The following AFF3 variants were observed in gnomAD, a reference collection of about 807,000 sequenced individuals.
AFF3 encodes ALF transcription elongation factor 3, also known as AF4/FMR2 family member 3.
In AFF3, 32 loss-of-function variants were observed where a neutral mutation model predicts 129.7. That is an observed-to-expected ratio of 0.25 (90% CI 0.19 to 0.33). The LOEUF is 0.33. AFF3 is among the 10% of genes least tolerant of loss of function. The probability of loss-of-function intolerance (pLI) is 1.00; values close to 1 mark genes in which losing one functional copy is unlikely to be tolerated. For synonymous variants in AFF3, 644 were observed against 635.4 expected (o/e 1.01, Z -0.20); for missense variants, 1,373 against 1,592.0 (o/e 0.86, Z 2.34).
intron 7 of AFF3, among the ~76,000 whole-genome samples, chr2:99,877,276 T>C (rs962821137): frequency 1.3e-5 from 2 of 151,860 alleles, no homozygotes; most frequent in African/African-American, 2.4e-5. Flanking sequence ...AGAAGTGGGA[T>C]TGAGGGGGAG....
At chr2:99,817,038 C>T (rs149578054) in intron 8 of AFF3, among the ~76,000 whole-genome samples, 241 of 152,252 alleles carry the variant, frequency 1.6e-3, no homozygotes, top group African/African-American at 5.5e-3. Flanking sequence ...TCCACCAGTG[C>T]CCTCAGGCTG....
chr2:99,659,810 G>A (rs966146554), intron 12 of AFF3, among the ~76,000 whole-genome samples: 1 of 151,984 alleles, frequency 6.6e-6, no homozygotes, highest in African/African-American at 2.4e-5. Flanking sequence ...TTGGACAATG[G>A]ATCAAGTTTC....
intron 7 of AFF3, among the ~76,000 whole-genome samples, chr2:99,979,267 G>A (rs998468587): frequency 6.6e-6 from 1 of 152,048 alleles, no homozygotes; most frequent in African/African-American, 2.4e-5. Context: ...GGAAAAATCA[G>A]TGCCTAAGAA....
intron 4 of AFF3, among the ~76,000 whole-genome samples, chr2:100,012,303 C>T (rs1288629641): frequency 6.6e-6 from 1 of 152,172 alleles, no homozygotes; most frequent in Admixed American, 6.5e-5. Flanking sequence ...TCTCCTCCTT[C>T]CTTGGTGGGT....
chr2:100,019,061 G>T (rs1167240376), intron 4 of AFF3, among the ~76,000 whole-genome samples: 1 of 152,098 alleles, frequency 6.6e-6, no homozygotes, highest in East Asian at 1.9e-4. Context: ...CCTTGCTGTG[G>T]CCACTCAGGC....
intron 12 of AFF3, among the ~76,000 whole-genome samples, chr2:99,668,002 T>A (rs186607090): frequency 5.3e-4 from 81 of 151,672 alleles, no homozygotes; most frequent in African/African-American, 2.0e-3. Flanking sequence ...TAAAAAAATA[T>A]AAAAAATTAG....
intron 9 of AFF3, among the ~76,000 whole-genome samples, chr2:99,749,135 C>T (rs970811868): frequency 1.3e-5 from 2 of 152,076 alleles, no homozygotes; most frequent in African/African-American, 4.8e-5. Context: ...AGGTAATGTT[C>T]TCATCACCAA....
chr2:99,675,191 T>C (rs1005045322), intron 11 of AFF3, among the ~76,000 whole-genome samples: 1 of 152,224 alleles, frequency 6.6e-6, no homozygotes, highest in African/African-American at 2.4e-5. Context: ...GGCTGGGTTC[T>C]AAATACAACA....
At chr2:99,653,148 G>C (rs773683660) in intron 12 of AFF3, among the ~76,000 whole-genome samples, 18 of 152,204 alleles carry the variant, frequency 1.2e-4, no homozygotes, top group African/African-American at 4.3e-4. Flanking sequence ...GCTTTAGGCC[G>C]CGATACTTGA....
At chr2:100,060,628 A>G (rs573666355) in intron 4 of AFF3, among the ~76,000 whole-genome samples, 2 of 152,300 alleles carry the variant, frequency 1.3e-5, no homozygotes, top group Admixed American at 1.3e-4. Flanking sequence ...TAGAATTTTA[A>G]ATAGTTTTAC....
At chr2:99,694,411 G>A (rs1449382240) in intron 11 of AFF3, among the ~76,000 whole-genome samples, 6 of 152,076 alleles carry the variant, frequency 3.9e-5, no homozygotes, top group African/African-American at 9.7e-5. Flanking sequence ...GGCAGAGGAA[G>A]CTGGGTGCCC....
chr2:99,812,179 G>C (rs753592362), intron 8 of AFF3, among the ~76,000 whole-genome samples: 21 of 152,178 alleles, frequency 1.4e-4, no homozygotes, highest in Non-Finnish European at 2.2e-4. Context: ...CAGACATCCA[G>C]AGCCTGCCAG....
intron 17 of AFF3, among the ~76,000 whole-genome samples, 188 bp from the exon 18 acceptor site, chr2:99,578,639 C>T (rs1350141704): frequency 1.3e-5 from 2 of 152,142 alleles, no homozygotes; most frequent in African/African-American, 2.4e-5. Context: ...AGGGCTTCTA[C>T]CTGTGTTCTC....
intron 8 of AFF3, among the ~76,000 whole-genome samples, chr2:99,816,967 A>G (rs992555391): frequency 6.6e-6 from 1 of 152,154 alleles, no homozygotes; most frequent in South Asian, 2.1e-4. Flanking sequence ...ATGACAGGGA[A>G]TATGATTCTG....
At chr2:99,674,635 G>A (rs923392678) in intron 11 of AFF3, among the ~76,000 whole-genome samples, 3 of 152,194 alleles carry the variant, frequency 2.0e-5, no homozygotes, top group Non-Finnish European at 4.4e-5. Context: ...GGTGGAAAGA[G>A]TGGGGAGGAC....
chr2:100,138,996 A>G (rs1030645568), intron 1 of AFF3, among the ~76,000 whole-genome samples: 21 of 151,412 alleles, frequency 1.4e-4, no homozygotes, highest in African/African-American at 4.6e-4. Context: ...ACTGAGTTGA[A>G]GTTATGCATC....
intron 4 of AFF3, among the ~76,000 whole-genome samples, chr2:100,049,045 C>T (rs898053874): frequency 9.9e-5 from 15 of 152,144 alleles, no homozygotes; most frequent in African/African-American, 3.6e-4. Context: ...CAGTAACTAC[C>T]AATGAAATAA....
chr2:99,558,185 C>T (rs561868342), intron 22 of AFF3, among the ~76,000 whole-genome samples: 6 of 152,244 alleles, frequency 3.9e-5, no homozygotes, highest in Admixed American at 1.3e-4. Context: ...TAGAGACTGG[C>T]TAAGAGGGAA....
chr2:99,664,268 T>C (rs1316991636), intron 12 of AFF3, among the ~76,000 whole-genome samples: 1 of 152,246 alleles, frequency 6.6e-6, no homozygotes, highest in African/African-American at 2.4e-5. Context: ...GTGAAAATCA[T>C]AGGTGCAACC....
Sources: allele counts gnomAD v4.1 joint callset (sites outside exome capture counted in the v4.1 genomes callset), GRCh38; gene constraint gnomAD v4.1.1; transcripts MANE v1.5; gene names NCBI Gene and HGNC (gene_info 2026-07-23, HGNC 2026-07-21).